The following CSMD1 variants were observed in gnomAD, a reference collection of about 807,000 sequenced individuals.
CSMD1 encodes the protein CUB and sushi domain-containing protein 1.
Under a neutral mutation model 417.5 loss-of-function variants are expected in CSMD1, and 213 were observed. The observed-to-expected ratio is 0.51, with a 90% CI of 0.46 to 0.57. The LOEUF is 0.57. Among genes scored for constraint, CSMD1 ranks in the 20% least tolerant of loss-of-function variants. The pLI is 0.00. For missense variants in CSMD1, 6,923 were observed against 4,529.7 expected (o/e 1.53, Z -15.17); for synonymous variants, 2,862 against 1,736.8 (o/e 1.65, Z -16.11).
chr8:3,164,878 T>C (rs554753869), intron 37 of CSMD1, among the ~76,000 whole-genome samples: 2 of 152,304 alleles, frequency 1.3e-5, no homozygotes, highest in South Asian at 4.1e-4. Flanking sequence ...GTTTTTATTA[T>C]ATATTGATTT....
intron 3 of CSMD1, among the ~76,000 whole-genome samples, chr8:4,415,051 A>T (rs550680309): frequency 6.6e-6 from 1 of 152,206 alleles, no homozygotes; most frequent in Non-Finnish European, 1.5e-5. Context: ...TTCATAGTCC[A>T]GTGAAAGTAA....
intron 5 of CSMD1, among the ~76,000 whole-genome samples, chr8:3,886,303 C>G (rs974640230): frequency 5.9e-5 from 9 of 152,180 alleles, no homozygotes; most frequent in Admixed American, 4.6e-4. Context: ...ACTGCCTCAG[C>G]CTCTCAAAGT....
Position 2,969,551 on chromosome 8 carries a change from T to G in CSMD1, c.8924-2805A>C, listed in dbSNP as rs527262722. ...TAATTTCCTCCTCCTTTTTATAATT[T>G]ATTCAATTTACCATCAGTATCTAAC... On this transcript the variant is annotated intron_variant, in intron 57 of 69. Coordinates refer to ENST00000635120, the MANE Select transcript of CSMD1 (RefSeq NM_033225.6). Among the ~76,000 whole-genome samples the G allele has an allele frequency of 5.9e-5, 9 of 152,354 alleles. No individual in the cohort carries two copies. The South Asian group carries it at 1.2e-3, about 21-fold the overall frequency.
At chr8:4,829,591 A>G (rs1277144665) in intron 1 of CSMD1, among the ~76,000 whole-genome samples, 1 of 151,982 alleles carries the variant, frequency 6.6e-6, no homozygotes, top group African/African-American at 2.4e-5. Context: ...AATTTACACA[A>G]TTAGCTGGGC....
chr8:3,457,382 C>G (rs1261312931), intron 12 of CSMD1, among the ~76,000 whole-genome samples: 1 of 152,162 alleles, frequency 6.6e-6, no homozygotes, highest in Non-Finnish European at 1.5e-5. Context: ...CATTCTCAGT[C>G]TCAGATGGCA....
intron 1 of CSMD1, among the ~76,000 whole-genome samples, chr8:4,897,802 G>A (rs1008982967): frequency 1.5e-4 from 23 of 152,120 alleles, no homozygotes; most frequent in Admixed American, 7.2e-4. Context: ...AGATGATACA[G>A]AAGAGACAGA....
chr8:3,082,040 G>C (rs1814140086), intron 49 of CSMD1, among the ~76,000 whole-genome samples: 2 of 152,148 alleles, frequency 1.3e-5, no homozygotes, highest in Non-Finnish European at 2.9e-5. Context: ...TGTCATCCCA[G>C]ATTTATCTCT....
chr8:4,316,181 A>G (rs1210997882), intron 3 of CSMD1, among the ~76,000 whole-genome samples: 1 of 152,284 alleles, frequency 6.6e-6, no homozygotes, highest in South Asian at 2.1e-4. Flanking sequence ...GATTAGCTAA[A>G]TTTCAAGAGA....
rs1554476819 is a variant in CSMD1 at position 3,893,362 on chromosome 8, T to TATATATATATATATATATA, written c.818+104540_818+104541insTATATATATATATATATAT. On this transcript the variant is annotated intron_variant, in intron 5 of 69. Coordinates refer to ENST00000635120, the MANE Select transcript of CSMD1 (RefSeq NM_033225.6). ...TTTTATATATATATATATATATATA[T>TATATATATATATATATATA]TATTTTTTTTCTTAGAGGGTCATCA... is the stretch of plus-strand genomic sequence containing the variant. Among the ~76,000 whole-genome samples, 185 of 125,298 alleles carry TATATATATATATATATATA rather than the reference T, an allele frequency of 1.5e-3. 1 individual carries two copies. The highest frequency in any genetic ancestry group is 3.0e-3 in the East Asian group (13 of 4,350). 82.2% of individuals were successfully genotyped at this position (125,298 alleles called of 152,430 possible). A position where few individuals can be genotyped will look rare whatever the true frequency, so the allele number is the denominator to read the frequency against.
intron 5 of CSMD1, among the ~76,000 whole-genome samples, chr8:3,907,954 G>C (rs1040434113): frequency 6.6e-6 from 1 of 152,050 alleles, no homozygotes; most frequent in African/African-American, 2.4e-5. Flanking sequence ...TGGGGGGTGT[G>C]GGGAGAGTGG....
At chr8:4,265,144 G>A (rs1381925851) in intron 3 of CSMD1, among the ~76,000 whole-genome samples, 2 of 152,042 alleles carry the variant, frequency 1.3e-5, no homozygotes, top group East Asian at 1.9e-4. Context: ...ATTTGACCTC[G>A]ACTATTATTA....
rs372384726 is a variant in CSMD1, at chr8:4,420,046, G to A, written c.322C>T (p.Pro108Ser). Residue 108 changes from proline (P) to serine (S), a missense_variant, in exon 3 of 70, where the codon CCC becomes TCC. By Grantham distance (74) the Pro-to-Ser change is moderately conservative. Coordinates refer to ENST00000635120, the MANE Select transcript of CSMD1 (RefSeq NM_033225.6). ...GATCCTGTACTCACTATAGAGGAGG[G>A]CAGCTGAAATCCCGATAATCTAAAT... ...LKVRLSGFQL[P>S]SSIVSTGSIL... is the part of the protein sequence containing the mutation. The A allele has an allele frequency of 1.9e-6, 3 of 1,570,582 alleles. No individual in the cohort carries two copies. The highest frequency in any genetic ancestry group is 2.6e-6 in the Non-Finnish European group (3 of 1,156,230).
At position 3,998,145 on chromosome 8, in the gene CSMD1, T is replaced by G; in HGVS notation, c.611-35A>C. On this transcript the variant is annotated intron_variant, in intron 4 of 69. Transcript: ENST00000635120. ...CAAAAGCAGAAAGAAAGCATCACAT[T>G]TCAGGATGGTTTTCATACACGAGTG... 7 of 1,525,410 alleles carry G rather than the reference T, an allele frequency of 4.6e-6. No individual in the cohort carries two copies. In the South Asian group the frequency reaches 7.2e-5, roughly 16 times the overall value. 94.5% of individuals were successfully genotyped at this position (1,525,410 alleles called of 1,614,324 possible). A position where few individuals can be genotyped will look rare whatever the true frequency, so the allele number is the denominator to read the frequency against.
intron 5 of CSMD1, among the ~76,000 whole-genome samples, chr8:3,972,831 C>A (rs1478128114): frequency 6.6e-6 from 1 of 152,150 alleles, no homozygotes; most frequent in Non-Finnish European, 1.5e-5. Flanking sequence ...TCACACATAT[C>A]TTTGACATTT....
intron 2 of CSMD1, among the ~76,000 whole-genome samples, chr8:4,543,523 A>G (rs1350240729): frequency 1.3e-5 from 2 of 152,220 alleles, no homozygotes; most frequent in African/African-American, 4.8e-5. Context: ...ACCACAGTTT[A>G]TACATTCACC....
chr8:4,154,166 T>G (rs17069139), intron 3 of CSMD1, among the ~76,000 whole-genome samples: 15,352 of 152,186 alleles, frequency 0.1, 1,259 homozygotes, highest in East Asian at 0.26. Context: ...ACACCTATGA[T>G]AGGAGATCTA....
At chr8:4,805,641 A>G (rs1675209553) in intron 1 of CSMD1, among the ~76,000 whole-genome samples, 1 of 152,224 alleles carries the variant, frequency 6.6e-6, no homozygotes, top group African/African-American at 2.4e-5. Flanking sequence ...GTGCTTGTGA[A>G]CCATCTTTAA....
chr8:3,147,031 T>A (rs895000003), intron 40 of CSMD1, among the ~76,000 whole-genome samples: 16 of 151,818 alleles, frequency 1.1e-4, no homozygotes, highest in African/African-American at 3.9e-4. Context: ...ACGTCTTATA[T>A]TCCGGATAAG....
chr8:4,176,227 G>C (rs554046328), intron 3 of CSMD1, among the ~76,000 whole-genome samples: 56 of 152,102 alleles, frequency 3.7e-4, no homozygotes, highest in South Asian at 8.3e-4. Context: ...AGGCTATATA[G>C]CTTATGTACG....
Sources: allele counts gnomAD v4.1 joint callset (sites outside exome capture counted in the v4.1 genomes callset), GRCh38; gene constraint gnomAD v4.1.1; transcripts MANE v1.5; gene names NCBI Gene and HGNC (gene_info 2026-07-23, HGNC 2026-07-21).